The following LHFPL4 variants were observed in gnomAD, a reference collection of about 807,000 sequenced individuals.
LHFPL4 encodes the protein LHFPL tetraspan subfamily member 4 protein.
A neutral mutation model predicts 20.0 loss-of-function variants in LHFPL4; 6 were observed. The observed-to-expected ratio is 0.30, with a 90% confidence interval of 0.16 to 0.59. LHFPL4 has a LOEUF of 0.59. LHFPL4 is among the 20% of genes least tolerant of loss of function. The pLI, the probability that LHFPL4 is intolerant of heterozygous loss-of-function variation, is 0.88. For synonymous variants in LHFPL4, 129 were observed against 143.8 expected, an observed-to-expected ratio of 0.90 and a Z score of 0.74; for missense variants, 215 against 331.2, an observed-to-expected ratio of 0.65 and a Z score of 2.72.
intron 2 of LHFPL4, among the ~76,000 whole-genome samples, chr3:9,535,046 A>T (rs1184427645): frequency 1.3e-5 from 2 of 152,166 alleles, no homozygotes; most frequent in South Asian, 4.1e-4. Context: ...AACTCCTACT[A>T]TATCGATACA....
At chr3:9,522,302 TATA>T (rs1375261796) in intron 2 of LHFPL4, among the ~76,000 whole-genome samples, 1 of 151,924 alleles carries the variant, frequency 6.6e-6, no homozygotes, top group Non-Finnish European at 1.5e-5. Context: ...CCAAGTACCT[TATA>T]ATAACAGAAT....
At chr3:9,549,154 C>G (rs2125668615) in intron 2 of LHFPL4, among the ~76,000 whole-genome samples, 1 of 152,198 alleles carries the variant, frequency 6.6e-6, no homozygotes, top group East Asian at 1.9e-4. Flanking sequence ...TCATTTGCCA[C>G]TGAAAAACTG....
chr3:9,509,233 T>G (rs957989389), intron 2 of LHFPL4, among the ~76,000 whole-genome samples: 21 of 105,952 alleles, frequency 2.0e-4, no homozygotes, highest in Admixed American at 3.1e-4. Context: ...CTTTTCATCT[T>G]TCTTCGCACC....
At position 9,501,890 on chromosome 3, in the gene LHFPL4, G is replaced by A. The variant is rs920547955; in HGVS notation, c.*321C>T. 3 of 295,714 alleles carry A rather than the reference G, an allele frequency of 1.0e-5. No individual in the cohort carries two copies. Among genetic ancestry groups the A allele is most frequent in the Non-Finnish European group, 1.9e-5 (3 of 158,334 alleles). 18.3% of individuals were successfully genotyped at this position (295,714 alleles called of 1,614,324 possible). ...CCTGGGGAGCTGGAACTACAGCTCC[G>A]CTCTCCCTGGGGATCTGCAGGGACC... is the stretch of plus-strand genomic sequence containing the variant. On this transcript the variant is annotated 3_prime_UTR_variant, in exon 4 of 4. Transcript: ENST00000287585.
Position 9,519,734 on chromosome 3 carries a change from G to A in LHFPL4, c.407-13531C>T, listed in dbSNP as rs2648415. 4.0e-4 allele frequency among the ~76,000 whole-genome samples: 61 copies of A among 151,766 alleles called. 1 individual carries two copies. Among genetic ancestry groups the A allele is most frequent in the Admixed American group, 2.6e-3 (40 of 15,262 alleles). ...CCACCATGCCTGGCTAATTTTTTTCGTTAGAGATGAGGTCTCCCTATGGTG... is the reference window on the plus strand; with the variant it reads ...CCACCATGCCTGGCTAATTTTTTTCATTAGAGATGAGGTCTCCCTATGGTG... On this transcript the variant is annotated intron_variant, in intron 2 of 3. Coordinates refer to ENST00000287585, the MANE Select transcript of LHFPL4 (RefSeq NM_198560.3).
At chr3:9,544,446 G>A (rs1559523699) in intron 2 of LHFPL4, among the ~76,000 whole-genome samples, 1 of 151,920 alleles carries the variant, frequency 6.6e-6, no homozygotes, top group African/African-American at 2.4e-5. Context: ...CCAACATGGT[G>A]AAACCCCGTC....
intron 2 of LHFPL4, among the ~76,000 whole-genome samples, chr3:9,513,237 G>A (rs1046587766): frequency 1.3e-5 from 2 of 152,202 alleles, no homozygotes; most frequent in African/African-American, 4.8e-5. Context: ...TGGGATTAGA[G>A]GCGTGAGCCA....
intron 2 of LHFPL4, among the ~76,000 whole-genome samples, chr3:9,522,209 T>C (rs549321292): frequency 6.6e-6 from 1 of 151,730 alleles, no homozygotes; most frequent in South Asian, 2.1e-4. Context: ...TTGGCCAGGA[T>C]GGTCTCGATC....
intron 2 of LHFPL4, among the ~76,000 whole-genome samples, chr3:9,532,605 G>A (rs899054038): frequency 2.0e-4 from 31 of 152,302 alleles, no homozygotes; most frequent in African/African-American, 6.5e-4. Flanking sequence ...AAAGTGCTGG[G>A]GTTACATGCA....
chr3:9,515,978 G>T (rs367862281), intron 2 of LHFPL4, among the ~76,000 whole-genome samples: 151 of 152,262 alleles, frequency 9.9e-4, no homozygotes, highest in African/African-American at 3.4e-3. Flanking sequence ...GCCTCCCAAA[G>T]TGCAGGGACT....
chr3:9,552,232 C>T, intron 2 of LHFPL4, 42 bp downstream of exon 2: 1 of 1,548,702 alleles, frequency 6.5e-7, no homozygotes. Context: ...GAGCCCCGTC[C>T]CTGGCGCTTG....
chr3:9,550,280 C>T (rs1045819709), intron 2 of LHFPL4, among the ~76,000 whole-genome samples: 1 of 152,178 alleles, frequency 6.6e-6, no homozygotes, highest in Non-Finnish European at 1.5e-5. Flanking sequence ...ATGGAATAAA[C>T]TGCTCAACTC....
rs1454309326 is a variant in LHFPL4 at position 9,498,942 on chromosome 3, CAGA to C, written c.*3266_*3268del. 6.6e-6 allele frequency: 1 copy of C among 152,426 alleles called. No homozygotes were observed. 9.4% of individuals were successfully genotyped at this position (152,426 alleles called of 1,614,324 possible). ...CGAAAGTTTTCATAGCCCCGGTTCC[CAGA>C]AGGACTCAACTGACCAGACTGTGGG... On this transcript the variant is annotated 3_prime_UTR_variant, in exon 4 of 4. Transcript: ENST00000287585.
chr3:9,524,374 T>C (rs892637095), intron 2 of LHFPL4, among the ~76,000 whole-genome samples: 2 of 152,300 alleles, frequency 1.3e-5, no homozygotes, highest in Admixed American at 6.5e-5. Context: ...ATTCTAAATA[T>C]GTAAATGTTA....
chr3:9,515,619 G>A (rs777934871), intron 2 of LHFPL4, among the ~76,000 whole-genome samples: 23 of 152,030 alleles, frequency 1.5e-4, no homozygotes, highest in Admixed American at 2.6e-4. Flanking sequence ...TGATCTGACT[G>A]CCTCGGCCTC....
chr3:9,546,074 G>C (rs2125667746), intron 2 of LHFPL4, among the ~76,000 whole-genome samples: 1 of 152,082 alleles, frequency 6.6e-6, no homozygotes, highest in East Asian at 1.9e-4. Context: ...AGTACTTTGG[G>C]AGGCCGAGGC....
intron 2 of LHFPL4, among the ~76,000 whole-genome samples, chr3:9,512,365 G>A (rs553378893): frequency 2.0e-5 from 3 of 152,308 alleles, no homozygotes; most frequent in Non-Finnish European, 2.9e-5. Context: ...GAAGTGGCGC[G>A]GCAGTTTCAT....
At chr3:9,510,311 A>G (rs1197747545) in intron 2 of LHFPL4, among the ~76,000 whole-genome samples, 1 of 151,610 alleles carries the variant, frequency 6.6e-6, no homozygotes, top group African/African-American at 2.4e-5. Flanking sequence ...GGTGGCATGT[A>G]CTCGTAGTCC....
intron 2 of LHFPL4, among the ~76,000 whole-genome samples, chr3:9,527,208 T>C (rs2046381496): frequency 6.6e-6 from 1 of 152,166 alleles, no homozygotes; most frequent in Admixed American, 6.6e-5. Flanking sequence ...GTGGGGACTT[T>C]AGTCTTTTTG....
Sources: gnomAD v4.1 joint callset for allele counts (sites outside exome capture counted in the v4.1 genomes callset) on GRCh38, gnomAD v4.1.1 for gene constraint, MANE v1.5 for transcripts, NCBI Gene and HGNC (gene_info 2026-07-23, HGNC 2026-07-21) for gene names.